The following SLC39A11 variants were observed in gnomAD, a reference collection of about 807,000 sequenced individuals.
The protein encoded by SLC39A11 is solute carrier family 39 member 11.
Under a neutral mutation model 36.1 loss-of-function variants are expected in SLC39A11, and 33 were observed. The observed-to-expected ratio is 0.91, with a 90% confidence interval of 0.69 to 1.22. The LOEUF (loss-of-function observed/expected upper bound fraction) is 1.22. SLC39A11 is among the 50% of genes most tolerant of loss of function. SLC39A11 has a pLI of 0.00. For missense variants in SLC39A11, 432 were observed against 430.3 expected, an observed-to-expected ratio of 1.00 and a Z score of -0.03; for synonymous variants, 166 against 170.3, an observed-to-expected ratio of 0.97 and a Z score of 0.20.
intron 7 of SLC39A11, among the ~76,000 whole-genome samples, chr17:72,650,973 G>C (rs1242804082): frequency 6.6e-6 from 1 of 152,052 alleles, no homozygotes; most frequent in Non-Finnish European, 1.5e-5. Context: ...CCTCCATTTT[G>C]TTTCAGGGTT....
At chr17:72,875,713 ATTTC>A (rs1267667124) in intron 5 of SLC39A11, among the ~76,000 whole-genome samples, 1 of 151,994 alleles carries the variant, frequency 6.6e-6, no homozygotes, top group Non-Finnish European at 1.5e-5. Flanking sequence ...TTTCTAATCT[ATTTC>A]TTTCTTTTCC....
chr17:72,968,647 C>T (rs1404151706), intron 4 of SLC39A11, among the ~76,000 whole-genome samples: 4 of 152,214 alleles, frequency 2.6e-5, no homozygotes, highest in East Asian at 1.9e-4. Flanking sequence ...CCTCCCCGAC[C>T]GCCCATCAGC....
chr17:72,959,336 T>C (rs896617964), intron 4 of SLC39A11, among the ~76,000 whole-genome samples: 1 of 89,576 alleles, frequency 1.1e-5, no homozygotes, highest in East Asian at 3.7e-4. Context: ...TATATATATA[T>C]ATATATATAT....
chr17:72,801,491 C>T (rs540530761), intron 6 of SLC39A11, among the ~76,000 whole-genome samples: 4 of 152,268 alleles, frequency 2.6e-5, no homozygotes, highest in South Asian at 4.1e-4. Context: ...CCTCCCAAAT[C>T]GCTGGGATTT....
chr17:72,718,791 C>G (rs2073521301), intron 7 of SLC39A11, among the ~76,000 whole-genome samples: 1 of 152,182 alleles, frequency 6.6e-6, no homozygotes, highest in South Asian at 2.1e-4. Flanking sequence ...TCCATGATTG[C>G]TAGAGGCTGG....
chr17:72,939,479 C>T (rs971051406), intron 5 of SLC39A11, among the ~76,000 whole-genome samples: 18 of 150,006 alleles, frequency 1.2e-4, no homozygotes, highest in Non-Finnish European at 2.4e-4. Flanking sequence ...AAGAATATGA[C>T]CTTACCTAGA....
chr17:72,782,130 C>A (rs1177102825), intron 6 of SLC39A11, among the ~76,000 whole-genome samples: 1 of 152,042 alleles, frequency 6.6e-6, no homozygotes, highest in Non-Finnish European at 1.5e-5. Context: ...ATGATAAGTC[C>A]TTCTAAGAGG....
chr17:72,981,026 A>C (rs1275337198), intron 4 of SLC39A11, among the ~76,000 whole-genome samples: 3 of 151,838 alleles, frequency 2.0e-5, no homozygotes, highest in East Asian at 1.9e-4. Context: ...CCATCTCAAA[A>C]AAAAAAAAAA....
At chr17:72,727,427 G>A (rs2073970826) in intron 7 of SLC39A11, among the ~76,000 whole-genome samples, 1 of 152,154 alleles carries the variant, frequency 6.6e-6, no homozygotes, top group Non-Finnish European at 1.5e-5. Flanking sequence ...GCCGAGGCGG[G>A]TGGATCACGA....
At chr17:73,029,107 G>T (rs1464833183) in intron 4 of SLC39A11, among the ~76,000 whole-genome samples, 1 of 116,262 alleles carries the variant, frequency 8.6e-6, no homozygotes, top group Non-Finnish European at 1.9e-5. Context: ...GACAGAGTGA[G>T]ACGCCGTCAC....
At chr17:72,703,211 T>G (rs1285619354) in intron 7 of SLC39A11, among the ~76,000 whole-genome samples, 1 of 152,076 alleles carries the variant, frequency 6.6e-6, no homozygotes, top group Admixed American at 6.6e-5. Flanking sequence ...CAATGAAAAG[T>G]CCTGCATGTG....
chr17:72,847,314 A>G (rs2079094811), intron 6 of SLC39A11, among the ~76,000 whole-genome samples: 1 of 151,928 alleles, frequency 6.6e-6, no homozygotes, highest in African/African-American at 2.4e-5. Flanking sequence ...GAGACAGGAG[A>G]ATTGCTTGAA....
chr17:73,067,915 A>G lies in SLC39A11; in HGVS notation c.147+16893T>C, dbSNP rs1240881593. The stretch of plus-strand genomic sequence containing the variant: ...AGTAATGTAAAACCAGTTTACCATC[A>G]CTGCCAAAACACTCAGAGAGAGTTC... On this transcript the variant is annotated intron_variant, in intron 3 of 9. Transcript: ENST00000255559. The G allele has an allele frequency of 5.0e-6, 8 of 1,607,140 alleles. No individual in the cohort carries two copies. In the Admixed American group the frequency reaches 1.2e-4, roughly 23 times the overall value.
intron 6 of SLC39A11, among the ~76,000 whole-genome samples, chr17:72,838,474 C>G (rs1383257314): frequency 6.6e-6 from 1 of 152,162 alleles, no homozygotes; most frequent in Admixed American, 6.5e-5. Flanking sequence ...AAGCGATCCA[C>G]CCACCTCAGT....
intron 6 of SLC39A11, among the ~76,000 whole-genome samples, chr17:72,776,342 A>C (rs2076129761): frequency 6.6e-6 from 1 of 152,226 alleles, no homozygotes; most frequent in African/African-American, 2.4e-5. Context: ...TCTTACAAAC[A>C]ATTTGTTACT....
intron 4 of SLC39A11, among the ~76,000 whole-genome samples, chr17:72,950,414 T>C (rs993181805): frequency 6.6e-6 from 1 of 152,176 alleles, no homozygotes; most frequent in Admixed American, 6.5e-5. Context: ...AAGGCCGGTC[T>C]CTCCCTCTGT....
At chr17:72,796,840 G>C (rs1283266660) in intron 6 of SLC39A11, among the ~76,000 whole-genome samples, 1 of 152,164 alleles carries the variant, frequency 6.6e-6, no homozygotes, top group Non-Finnish European at 1.5e-5. Flanking sequence ...GAAGTGCTAA[G>C]TATGCAAGAA....
chr17:72,887,355 G>A (rs1187512764), intron 5 of SLC39A11, among the ~76,000 whole-genome samples: 1 of 151,860 alleles, frequency 6.6e-6, no homozygotes, highest in South Asian at 2.1e-4. Context: ...TCGAAACTCC[G>A]TTTTCAAGCC....
chr17:72,716,025 G>C (rs185038135), intron 7 of SLC39A11, among the ~76,000 whole-genome samples: 2 of 152,122 alleles, frequency 1.3e-5, no homozygotes, highest in Non-Finnish European at 2.9e-5. Context: ...CAATTTTTAA[G>C]TGCACAGACA....
Sources: gnomAD v4.1 joint callset for allele counts (sites outside exome capture counted in the v4.1 genomes callset) on GRCh38, gnomAD v4.1.1 for gene constraint, MANE v1.5 for transcripts, NCBI Gene and HGNC (gene_info 2026-07-23, HGNC 2026-07-21) for gene names.